B9D1: variants seen among roughly 807,000 people sequenced by gnomAD.
B9D1 encodes the protein B9 domain-containing protein 1.
In B9D1, 20 loss-of-function variants were observed where a neutral mutation model predicts 26.1. The ratio of observed to expected loss-of-function variants is 0.77; its 90% CI spans 0.54 to 1.12. The LOEUF is 1.12. Ranked by LOEUF, B9D1 falls within the 50% of genes most tolerant of loss-of-function variation. B9D1 has a pLI of 0.00. For synonymous variants in B9D1, 105 were observed against 103.1 expected (o/e 1.02, Z -0.11); for missense variants, 260 against 273.7 (o/e 0.95, Z 0.35).
At chr17:19,353,453 A>G (rs1909920649) in intron 3 of B9D1, among the ~76,000 whole-genome samples, 1 of 149,630 alleles carries the variant, frequency 6.7e-6, no homozygotes, top group Admixed American at 6.7e-5. Context: ...CCTGGCCAAC[A>G]TGGTGAAACC....
At chr17:19,335,310 C>T (rs1907354370), downstream of B9D1, 9 of 1,288,662 alleles carry the variant, frequency 7.0e-6, no homozygotes, top group South Asian at 1.6e-5. Context: ...ATTTTTCTTA[C>T]GAATATACCA....
chr17:19,341,300 A>T, downstream of B9D1: 3 of 1,232,114 alleles, frequency 2.4e-6, 1 homozygote, highest in South Asian at 1.2e-4. Context: ...TGGACAGAGA[A>T]GACAGCTTTC....
chr17:19,350,247 G>GA (rs1345218970), intron 3 of B9D1, among the ~76,000 whole-genome samples: 9 of 151,706 alleles, frequency 5.9e-5, no homozygotes, highest in African/African-American at 2.2e-4. Flanking sequence ...CCTTCTCTAT[G>GA]AAAAATCCAA....
At chr17:19,350,948 C>T (rs990515062) in intron 3 of B9D1, among the ~76,000 whole-genome samples, 10 of 151,778 alleles carry the variant, frequency 6.6e-5, no homozygotes, top group African/African-American at 2.4e-4. Flanking sequence ...AAGCGATTCT[C>T]CTGCCTCAGC....
chr17:19,355,816 A>G (rs540715431), intron 3 of B9D1, among the ~76,000 whole-genome samples: 1 of 152,288 alleles, frequency 6.6e-6, no homozygotes, highest in Non-Finnish European at 1.5e-5. Flanking sequence ...CCTGGGCAAC[A>G]GAGCAAGACT....
In B9D1 at chr17:19,347,918, C is replaced by T. The variant is rs1471391042; in HGVS notation, c.245-38G>A. ...AAGGCAGGGGGTGGGCACATGAGGA[C>T]ACACAGGGGAGGTGCAGGGCAGAGA... On this transcript the variant is annotated intron_variant, in intron 3 of 6. Coordinates refer to ENST00000261499, the MANE Select transcript of B9D1 (RefSeq NM_015681.6). This position sits in a 1 kb window ranked among gnomAD's most constrained non-coding sequence, Gnocchi z 4.3. 3.2e-6 allele frequency: 5 copies of T among 1,570,148 alleles called. No homozygotes were observed. The highest frequency in any genetic ancestry group is 4.4e-6 in the Non-Finnish European group (5 of 1,141,196).
chr17:19,347,819 G>A lies in B9D1; in HGVS notation c.306C>T (p.Gly102=), dbSNP rs1417597543. The change falls in exon 4 of 7, where the codon GGC becomes GGT. Residue 102 remains glycine, a synonymous_variant. Coordinates refer to ENST00000261499, the MANE Select transcript of B9D1 (RefSeq NM_015681.6). The surrounding 1 kb of genome is among the most constrained non-coding windows in gnomAD (Gnocchi z 4.3). ...PDVFGNDVVR[G]YGAVHVPFSP... ...AGAAGGGCACGTGCACGGCCCCATA[G>A]CCTCGAACCACATCGTTCCCGAACA... 1.2e-6 allele frequency: 2 copies of A among 1,614,034 alleles called. No individual in the cohort carries two copies. Among genetic ancestry groups the A allele is most frequent in the East Asian group, 4.5e-5 (2 of 44,852 alleles).
intron 1 of B9D1, 65 bp downstream of exon 1, chr17:19,362,442 G>T: frequency 1.6e-6 from 2 of 1,279,836 alleles, no homozygotes; most frequent in Non-Finnish European, 2.1e-6. Flanking sequence ...GCAGCCCGGG[G>T]GGTTGCGGGA....
chr17:19,370,854 G>A lies in B9D1; in HGVS notation c.-298+7005C>T, dbSNP rs1911859922. On this transcript the variant is annotated intron_variant, in intron 1 of 5. Coordinates refer to the B9D1 transcript ENST00000477478. This position sits in a 1 kb window ranked among gnomAD's most constrained non-coding sequence, Gnocchi z 5.1. Reference sequence around the variant, plus strand: ...AGGGGCAGTCCCTTTCCCACGGGGAGGGCCGCATGCAAATGCCACACTGAG... The same window carrying A: ...AGGGGCAGTCCCTTTCCCACGGGGAAGGCCGCATGCAAATGCCACACTGAG... Among the ~76,000 whole-genome samples, 3 of 152,324 alleles carry A rather than the reference G, an allele frequency of 2.0e-5. No individual in the cohort carries two copies. The South Asian group carries it at 6.2e-4, about 32-fold the overall frequency.
chr17:19,346,812 C>A, intron 5 of B9D1: 1 of 937,922 alleles, frequency 1.1e-6, no homozygotes, highest in Non-Finnish European at 1.5e-6. Flanking sequence ...AGGCACTGTT[C>A]CCTGTGCCTG....
intron 3 of B9D1, among the ~76,000 whole-genome samples, chr17:19,351,892 T>C (rs116117736): frequency 0.013 from 1,972 of 152,144 alleles, 30 homozygotes; most frequent in South Asian, 0.067. Flanking sequence ...TGTTTCTTCT[T>C]ATTATTTTTT....
intron 2 of B9D1, 136 bp from the exon 3 acceptor site, chr17:19,358,087 AG>A: frequency 1.4e-6 from 1 of 709,008 alleles, no homozygotes; most frequent in Non-Finnish European, 2.6e-6. Context: ...TTCCAAACAA[AG>A]GGGACTAAGA....
chr17:19,355,727 G>A (rs189577744), intron 3 of B9D1, among the ~76,000 whole-genome samples: 2 of 152,008 alleles, frequency 1.3e-5, no homozygotes, highest in Non-Finnish European at 2.9e-5. Flanking sequence ...CCAGCTACTC[G>A]AGAGGCTGAG....
chr17:19,345,168 C>G (rs944381319), intron 5 of B9D1, among the ~76,000 whole-genome samples: 2 of 152,138 alleles, frequency 1.3e-5, no homozygotes, highest in Non-Finnish European at 2.9e-5. Flanking sequence ...AGGCAAGGAC[C>G]TGAGGCAAGG....
chr17:19,350,361 C>T (rs1174944006), intron 3 of B9D1, among the ~76,000 whole-genome samples: 1 of 152,116 alleles, frequency 6.6e-6, no homozygotes, highest in East Asian at 1.9e-4. Context: ...GCCTGGCCAA[C>T]ATGGTGAAAC....
rs76776647 is a variant in B9D1, at chr17:19,373,092, C to G, written c.-298+4767G>C. On this transcript the variant is annotated intron_variant, in intron 1 of 5. Transcript: ENST00000477478. Reference sequence around the variant, plus strand: ...CAATCAGCATACCCCTCCCCTCCCCCACGCTGAGCCTGTCCAATGGGAGGC... The same window carrying G: ...CAATCAGCATACCCCTCCCCTCCCCGACGCTGAGCCTGTCCAATGGGAGGC... Among the ~76,000 whole-genome samples the G allele has an allele frequency of 6.5e-3, 987 of 152,258 alleles. 54 individuals are homozygous for G. The East Asian group carries it at 0.12, about 18-fold the overall frequency.
At position 19,372,752 on chromosome 17, in the gene B9D1, T is replaced by C. The variant is rs1305030540; in HGVS notation, c.-298+5107A>G. 6.6e-6 allele frequency among the ~76,000 whole-genome samples: 1 copy of C among 152,178 alleles called. No individual in the cohort carries two copies. On this transcript the variant is annotated intron_variant, in intron 1 of 5. Transcript: ENST00000477478. This position sits in a 1 kb window ranked among gnomAD's most constrained non-coding sequence, Gnocchi z 4.4. ...GGAGCTGGATTCAAACCCAGGTGTT[T>C]CTGAAACCAAAGCGTGCCTTCGTAA...
upstream of B9D1, among the ~76,000 whole-genome samples, chr17:19,365,170 C>A (rs946965235): frequency 2.0e-5 from 3 of 152,264 alleles, no homozygotes; most frequent in African/African-American, 7.2e-5. This position sits in a 1 kb window ranked among gnomAD's most constrained non-coding sequence, Gnocchi z 5.0. Context: ...GGCCTTGCCC[C>A]TTGCCAGTTG....
upstream of B9D1, among the ~76,000 whole-genome samples, chr17:19,365,843 ATTCT>A (rs916957488): frequency 6.6e-6 from 1 of 151,040 alleles, no homozygotes; most frequent in African/African-American, 2.4e-5. The surrounding 1 kb of genome is among the most constrained non-coding windows in gnomAD (Gnocchi z 5.0). Context: ...ATTTGTAGCT[ATTCT>A]TTTTTTTTTT....
Sources: gnomAD v4.1 joint callset for allele counts (sites outside exome capture counted in the v4.1 genomes callset) on GRCh38, gnomAD v4.1.1 for gene constraint, Gnocchi (gnomAD v3.1) non-coding constraint, MANE v1.5 for transcripts, NCBI Gene and HGNC (gene_info 2026-07-23, HGNC 2026-07-21) for gene names.